Variants in PTPRR observed in about 807,000 individuals in gnomAD.
PTPRR encodes receptor-type tyrosine-protein phosphatase R.
Under a neutral mutation model 77.2 loss-of-function variants are expected in PTPRR, and 38 were observed. The observed-to-expected ratio is 0.49, with a 90% confidence interval of 0.38 to 0.65. PTPRR has a LOEUF of 0.65. PTPRR is among the 30% of genes least tolerant of loss of function. The pLI, the probability that PTPRR is intolerant of heterozygous loss-of-function variation, is 0.00. For synonymous variants in PTPRR, 299 were observed against 283.1 expected (o/e 1.06, Z -0.57); for missense variants, 744 against 799.2 (o/e 0.93, Z 0.83).
intron 1 of PTPRR, among the ~76,000 whole-genome samples, chr12:70,904,291 C>T (rs1244088048): frequency 6.6e-6 from 1 of 151,644 alleles, no homozygotes; most frequent in Middle Eastern, 3.2e-3. Context: ...TCATAATTGC[C>T]CCCAAATGGA....
chr12:70,711,358 T>C (rs1045733854), intron 6 of PTPRR, among the ~76,000 whole-genome samples: 2 of 151,810 alleles, frequency 1.3e-5, no homozygotes, highest in African/African-American at 2.4e-5. Flanking sequence ...CATGGATATG[T>C]AGAGGGGAAA....
intron 2 of PTPRR, among the ~76,000 whole-genome samples, chr12:70,768,494 A>C (rs1229870434): frequency 6.6e-6 from 1 of 152,158 alleles, no homozygotes; most frequent in Non-Finnish European, 1.5e-5. Context: ...CAAAAATAGG[A>C]TCTGAAATTG....
chr12:70,829,249 G>GAAATAAAT (rs71895366), intron 2 of PTPRR, among the ~76,000 whole-genome samples: 4,778 of 149,130 alleles, frequency 0.032, 222 homozygotes, highest in African/African-American at 0.1. Context: ...GAAGGAAAGA[G>GAAATAAAT]AAATAAATAA....
intron 4 of PTPRR, among the ~76,000 whole-genome samples, chr12:70,755,724 TATAAATG>T (rs1890546328): frequency 6.6e-6 from 1 of 151,366 alleles, no homozygotes; most frequent in Non-Finnish European, 1.5e-5. Flanking sequence ...TTTAAAGATA[TATAAATG>T]ATAAATCGAT....
intron 2 of PTPRR, among the ~76,000 whole-genome samples, chr12:70,886,445 A>G (rs1893241420): frequency 6.6e-6 from 1 of 152,244 alleles, no homozygotes. Context: ...AGGCTTTCTT[A>G]AAAATAAAAT....
intron 2 of PTPRR, among the ~76,000 whole-genome samples, chr12:70,843,607 C>T (rs1033411783): frequency 9.2e-5 from 14 of 152,062 alleles, no homozygotes; most frequent in South Asian, 2.1e-4. Context: ...TATGATTCTG[C>T]GCCGAGTAGT....
intron 2 of PTPRR, among the ~76,000 whole-genome samples, chr12:70,819,380 A>G (rs1891965022): frequency 6.6e-6 from 1 of 152,232 alleles, no homozygotes; most frequent in African/African-American, 2.4e-5. Flanking sequence ...CAAATTGTGC[A>G]TTTATGGGCT....
intron 2 of PTPRR, among the ~76,000 whole-genome samples, chr12:70,834,742 A>C (rs1186158858): frequency 6.6e-6 from 1 of 152,096 alleles, no homozygotes; most frequent in African/African-American, 2.4e-5. Flanking sequence ...TTCTCTCAAA[A>C]AGAGCATTTT....
At chr12:70,850,222 T>C (rs7967608) in intron 2 of PTPRR, among the ~76,000 whole-genome samples, 100,954 of 151,628 alleles carry the variant, frequency 0.67, 34,430 homozygotes, top group African/African-American at 0.81. Context: ...ATTAGCTGGG[T>C]GTGGTGGCGG....
intron 2 of PTPRR, among the ~76,000 whole-genome samples, chr12:70,797,422 A>G (rs1365520635): frequency 1.3e-5 from 2 of 152,202 alleles, no homozygotes; most frequent in South Asian, 2.1e-4. Flanking sequence ...AAGCTTATAA[A>G]TATATATAAG....
chr12:70,867,849 A>G (rs1390177325), intron 2 of PTPRR, among the ~76,000 whole-genome samples: 1 of 152,188 alleles, frequency 6.6e-6, no homozygotes, highest in East Asian at 1.9e-4. Context: ...ATACAGATCA[A>G]TGGAACAGAA....
chr12:70,731,028 GGAA>G (rs1235621912), intron 6 of PTPRR, among the ~76,000 whole-genome samples: 3 of 119,792 alleles, frequency 2.5e-5, no homozygotes, highest in African/African-American at 8.7e-5. Flanking sequence ...GAGAGAGAGA[GGAA>G]GGAGAGAGAG....
chr12:70,892,615 T>C lies in PTPRR; in HGVS notation c.357+64A>G, dbSNP rs982889362. 26 of 1,565,436 alleles carry C rather than the reference T, an allele frequency of 1.7e-5. No homozygotes were observed. The Admixed American group carries it at 1.9e-4, about 12-fold the overall frequency. ...TATTCACAATCAGTGTTTTTCTTTT[T>C]TCAAGCATCAATGACAGGAAAGAAT... On this transcript the variant is annotated intron_variant, in intron 2 of 13. Transcript: ENST00000283228.
chr12:70,754,594 A>T, intron 4 of PTPRR: 2 of 1,597,756 alleles, frequency 1.3e-6, no homozygotes, highest in Non-Finnish European at 1.7e-6. Flanking sequence ...CCTGGTTCAT[A>T]GGTAAGAGAG....
At chr12:70,814,752 G>C (rs1383709573) in intron 2 of PTPRR, among the ~76,000 whole-genome samples, 2 of 152,182 alleles carry the variant, frequency 1.3e-5, no homozygotes, top group Non-Finnish European at 2.9e-5. Context: ...CTCAGCTTTA[G>C]AGTAAACTGC....
chr12:70,647,182 A>T (rs1886232060), intron 13 of PTPRR, among the ~76,000 whole-genome samples: 1 of 152,166 alleles, frequency 6.6e-6, no homozygotes, highest in Non-Finnish European at 1.5e-5. Flanking sequence ...CAGGAAGAAA[A>T]AAAAGAGGAA....
intron 8 of PTPRR, 177 bp from the exon 9 acceptor site, chr12:70,684,960 G>A (rs1887805534): frequency 2.2e-6 from 1 of 464,452 alleles, no homozygotes; most frequent in South Asian, 3.6e-5. Flanking sequence ...ATTTGGGCCT[G>A]TCTTCACTCC....
intron 1 of PTPRR, among the ~76,000 whole-genome samples, chr12:70,895,880 A>G (rs974462427): frequency 6.6e-6 from 1 of 151,728 alleles, no homozygotes; most frequent in African/African-American, 2.4e-5. Flanking sequence ...TGAGAAGCCA[A>G]GTTATCTATT....
intron 6 of PTPRR, among the ~76,000 whole-genome samples, chr12:70,726,611 C>T (rs1889447962): frequency 2.7e-5 from 4 of 147,692 alleles, no homozygotes; most frequent in South Asian, 4.3e-4. Flanking sequence ...GACAGAGTCT[C>T]ACTCTGTCAC....
Sources: allele counts gnomAD v4.1 joint callset (sites outside exome capture counted in the v4.1 genomes callset), GRCh38; gene constraint gnomAD v4.1.1; transcripts MANE v1.5; gene names NCBI Gene and HGNC (gene_info 2026-07-23, HGNC 2026-07-21).